ANK3: variants seen among roughly 807,000 people sequenced by gnomAD.
ANK3 encodes ankyrin 3, also known as ankyrin-3.
A neutral mutation model predicts 370.9 loss-of-function variants in ANK3; 57 were observed. The ratio of observed to expected loss-of-function variants is 0.15; its 90% CI spans 0.12 to 0.19. The LOEUF is 0.19. ANK3 is among the 10% of genes least tolerant of loss of function. The pLI, the probability that ANK3 is intolerant of heterozygous loss-of-function variation, is 1.00. For synonymous variants in ANK3, 1,929 were observed against 1,946.3 expected, an observed-to-expected ratio of 0.99 and a Z score of 0.23; for missense variants, 4,439 against 5,302.1, an observed-to-expected ratio of 0.84 and a Z score of 5.06.
chr10:60,307,638 C>T (rs909496995), intron 1 of ANK3, among the ~76,000 whole-genome samples: 3 of 152,012 alleles, frequency 2.0e-5, no homozygotes, highest in African/African-American at 7.3e-5. Context: ...CTATGCTTGG[C>T]CTATGATGTA....
intron 42 of ANK3, among the ~76,000 whole-genome samples, chr10:60,053,975 A>T (rs963661062): frequency 1.5e-4 from 23 of 152,164 alleles, no homozygotes; most frequent in Non-Finnish European, 2.5e-4. Context: ...TTTACAAGAA[A>T]TCCTGAAAAT....
At chr10:60,109,110 C>A in intron 26 of ANK3, 56 bp from the exon 27 acceptor site, 3 of 1,379,734 alleles carry the variant, frequency 2.2e-6, no homozygotes, top group Non-Finnish European at 3.0e-6. Context: ...GTGCTCACAG[C>A]AAGTTTGGAA....
intron 10 of ANK3, among the ~76,000 whole-genome samples, 191 bp from the exon 11 acceptor site, chr10:60,206,081 A>G (rs941579727): frequency 1.3e-5 from 2 of 152,202 alleles, no homozygotes; most frequent in East Asian, 3.9e-4. Flanking sequence ...GTACCCTGAT[A>G]ATTGTGAACA....
intron 2 of ANK3, among the ~76,000 whole-genome samples, chr10:60,583,866 G>A (rs1268411368): frequency 6.6e-6 from 1 of 152,070 alleles, no homozygotes; most frequent in Non-Finnish European, 1.5e-5. Context: ...TTACAGGCAT[G>A]AGCCACGGCG....
chr10:60,250,614 C>CT (rs1565993868), intron 7 of ANK3, among the ~76,000 whole-genome samples: 1 of 152,142 alleles, frequency 6.6e-6, no homozygotes, highest in African/African-American at 2.4e-5. Flanking sequence ...ATCTGCCCTC[C>CT]TTGGCCTCCC....
intron 1 of ANK3, among the ~76,000 whole-genome samples, chr10:60,336,975 G>A (rs888029020): frequency 7.2e-5 from 11 of 152,018 alleles, no homozygotes; most frequent in Non-Finnish European, 1.6e-4. Context: ...TTGGTTTTCA[G>A]GCTGCAGAAA....
At chr10:60,433,289 G>C (rs2132983153) in intron 2 of ANK3, among the ~76,000 whole-genome samples, 1 of 152,098 alleles carries the variant, frequency 6.6e-6, no homozygotes. Context: ...AGCCACAGTG[G>C]GATAATTTCA....
intron 1 of ANK3, among the ~76,000 whole-genome samples, chr10:60,629,475 A>G (rs7069157): frequency 0.68 from 103,634 of 151,990 alleles, 35,469 homozygotes; most frequent in South Asian, 0.82. Context: ...CTATCATCTC[A>G]AGCTAGATGA....
At position 60,039,701 on chromosome 10, in the gene ANK3, CTATTTTTTTAAAAAAGGGGTTGGGGG is replaced by C. The variant is rs1245324325; in HGVS notation, c.*19+2945_*19+2970del. ...TTAAGTTTTCTGAACCTCAGTTTCC[CTATTTTTTTAAAAAAGGGGTTGGGGG>C]ATAGTTGTATTTACCTTATAGCATT... On this transcript the variant is annotated intron_variant, in intron 43 of 43. Transcript: ENST00000280772. Among the ~76,000 whole-genome samples the C allele has an allele frequency of 5.9e-5, 9 of 152,172 alleles. No individual in the cohort carries two copies. In the South Asian group the frequency reaches 1.9e-3, roughly 32 times the overall value.
intron 1 of ANK3, among the ~76,000 whole-genome samples, chr10:60,330,007 A>G (rs141165921): frequency 3.3e-5 from 5 of 152,350 alleles, no homozygotes; most frequent in African/African-American, 1.2e-4. Flanking sequence ...CTGATCTTTG[A>G]CAAAACTGAC....
chr10:60,729,573 C>T (rs2079991600), intron 1 of ANK3, among the ~76,000 whole-genome samples: 1 of 152,172 alleles, frequency 6.6e-6, no homozygotes, highest in African/African-American at 2.4e-5. Context: ...CATTACTTCC[C>T]TTCTCTTAAC....
intron 5 of ANK3, among the ~76,000 whole-genome samples, chr10:60,265,730 C>T (rs1164122407): frequency 6.6e-6 from 1 of 152,154 alleles, no homozygotes; most frequent in Non-Finnish European, 1.5e-5. Context: ...TTTCAACATT[C>T]CTTCCCTTGC....
intron 7 of ANK3, among the ~76,000 whole-genome samples, chr10:60,240,508 T>C (rs2097437502): frequency 6.6e-6 from 1 of 151,774 alleles, no homozygotes; most frequent in African/African-American, 2.4e-5. Flanking sequence ...TTCTCCATGT[T>C]GGTCAGGCTG....
chr10:60,460,939 T>C lies in ANK3; in HGVS notation c.96+154247A>G, dbSNP rs148042973. Among the ~76,000 whole-genome samples the C allele has an allele frequency of 3.8e-3, 576 of 152,296 alleles. 2 individuals are homozygous for C. The highest frequency in any genetic ancestry group is 0.013 in the African/African-American group (556 of 41,578). On this transcript the variant is annotated intron_variant, in intron 2 of 43. Transcript: ENST00000373827. ...GAGTGAGAAGTTTGAGTAATTCTGTTAAATAATTTCACTTTGCAGAGAAAG... is the reference window on the plus strand; with the variant it reads ...GAGTGAGAAGTTTGAGTAATTCTGTCAAATAATTTCACTTTGCAGAGAAAG...
rs947680074 is a variant in ANK3, at chr10:60,055,758, A to G, written c.12965T>C (p.Val4322Ala). Reference protein sequence around the residue: ...KLIIEETKPCVPVSMKKMSRT... With the variant: ...KLIIEETKPCAPVSMKKMSRT... Reference sequence around the variant, plus strand: ...ACTCATCTTTTTCATACTGACAGGCACACAGGGTTTAGTCTCTTCTATTAT... The same window carrying G: ...ACTCATCTTTTTCATACTGACAGGCGCACAGGGTTTAGTCTCTTCTATTAT... Residue 4322 changes from valine to alanine, a missense_variant, in exon 42 of 44, where the codon GTG becomes GCG. By Grantham distance (64) the Val-to-Ala change is moderately conservative. Around this residue, in one of 13 missense-constraint regions of ANK3, gnomAD observed 242 missense variants for 228.0 expected, o/e 1.06. Coordinates refer to ENST00000280772, the MANE Select transcript of ANK3 (RefSeq NM_020987.5). 8.7e-6 allele frequency: 14 copies of G among 1,614,108 alleles called. No individual in the cohort carries two copies. The highest frequency in any genetic ancestry group is 1.0e-5 in the Non-Finnish European group (12 of 1,180,042).
At chr10:60,531,612 TAA>T (rs1329419025) in intron 2 of ANK3, among the ~76,000 whole-genome samples, 1 of 151,852 alleles carries the variant, frequency 6.6e-6, no homozygotes, top group African/African-American at 2.4e-5. Flanking sequence ...ATTCACATAA[TAA>T]AAGTTAATAA....
At chr10:60,470,710 A>G (rs561750582) in intron 2 of ANK3, among the ~76,000 whole-genome samples, 2 of 152,270 alleles carry the variant, frequency 1.3e-5, no homozygotes, top group Admixed American at 1.3e-4. Flanking sequence ...AGAGGACAAC[A>G]AAGAACCACA....
At chr10:60,591,050 A>G (rs982013079) in intron 2 of ANK3, among the ~76,000 whole-genome samples, 2 of 152,142 alleles carry the variant, frequency 1.3e-5, no homozygotes, top group African/African-American at 4.8e-5. Context: ...TGTGCCAGAG[A>G]GCAAGAGACA....
At chr10:60,483,905 G>T (rs989901959) in intron 2 of ANK3, among the ~76,000 whole-genome samples, 1 of 152,142 alleles carries the variant, frequency 6.6e-6, no homozygotes, top group Non-Finnish European at 1.5e-5. Flanking sequence ...ACAATGTCGA[G>T]GTACTGTCCA....
Sources: allele counts gnomAD v4.1 joint callset (sites outside exome capture counted in the v4.1 genomes callset), GRCh38; gene constraint gnomAD v4.1.1; regional missense constraint gnomAD v4.1.1; transcripts MANE v1.5; gene names NCBI Gene and HGNC (gene_info 2026-07-23, HGNC 2026-07-21).